Variants in MEX3A observed in about 807,000 individuals in gnomAD.
MEX3A encodes the protein mex-3 RNA binding family member A.
A neutral mutation model predicts 30.0 loss-of-function variants in MEX3A; 4 were observed. The ratio of observed to expected loss-of-function variants is 0.13; its 90% CI spans 0.07 to 0.30. The LOEUF is 0.30. Among genes scored for constraint, MEX3A ranks in the 10% least tolerant of loss-of-function variants. The pLI is 1.00. For missense variants in MEX3A, 555 were observed against 736.7 expected, an observed-to-expected ratio of 0.75 and a Z score of 2.86; for synonymous variants, 335 against 327.6, an observed-to-expected ratio of 1.02 and a Z score of -0.24.
chr1:156,079,418 G>A (rs1168265271), intron 1 of MEX3A, among the ~76,000 whole-genome samples: 3 of 152,042 alleles, frequency 2.0e-5, no homozygotes, highest in African/African-American at 4.8e-5. Context: ...GTTTCACCAC[G>A]TTGGCCAGGC....
At chr1:156,079,747 C>G (rs6691151) in intron 1 of MEX3A, among the ~76,000 whole-genome samples, 3 of 151,956 alleles carry the variant, frequency 2.0e-5, no homozygotes, top group Non-Finnish European at 4.4e-5. Context: ...GGGTTCTGGC[C>G]GTAAGTTTTG....
rs1558101096 is a variant in MEX3A, at chr1:156,077,174, C to CCAGGCGTCGGAGTAG, written c.948_962dup (p.Ala320_Trp321insCysTyrSerAspAla). On this transcript the variant is annotated inframe_insertion, in exon 2 of 2. Transcript: ENST00000532414. The surrounding 1 kb of genome is among the most constrained non-coding windows in gnomAD (Gnocchi z 8.3). ...GCTTGCAGCCGGGCTGGTGCACCCG[C>CCAGGCGTCGGAGTAG]CAGGCGTCGGAGTAGCGGCTATCGA... is the stretch of plus-strand genomic sequence containing the variant. 6.2e-7 allele frequency: 1 copy of CCAGGCGTCGGAGTAG among 1,613,506 alleles called. No individual in the cohort carries two copies. Among genetic ancestry groups the CCAGGCGTCGGAGTAG allele is most frequent in the East Asian group, 2.2e-5 (1 of 44,870 alleles).
At position 156,081,647 on chromosome 1, in the gene MEX3A, G is replaced by A. The variant is rs1292137826; in HGVS notation, c.352C>T (p.Leu118Phe). ...KGASDAKLCALYKEAELRLKG... is the reference protein window; with the variant it reads ...KGASDAKLCAFYKEAELRLKG... ...AGGCGCAGCTCGGCCTCTTTGTAGA[G>A]AGCGCAGAGCTTGGCGTCGCTCGCC... Residue 118 changes from leucine (L) to phenylalanine (F), a missense_variant, in exon 1 of 2, where the codon CTC becomes TTC. Physicochemically the swap from Leu to Phe is conservative, Grantham distance 22. Coordinates refer to ENST00000532414, the MANE Select transcript of MEX3A (RefSeq NM_001093725.2). 1 of 1,541,666 alleles carries A rather than the reference G, an allele frequency of 6.5e-7. No homozygotes were observed. Among genetic ancestry groups the A allele is most frequent in the Non-Finnish European group, 8.7e-7 (1 of 1,145,702 alleles).
At position 156,081,572 on chromosome 1, in the gene MEX3A, G is replaced by A; in HGVS notation, c.427C>T (p.His143Tyr). The change falls in exon 1 of 2, where the codon CAC becomes TAC. Residue 143 changes from histidine to tyrosine, a missense_variant. Transcript: ENST00000532414. ...TGCCTGCCCACGATCTCGGCCACGT[G>A]CTCGGAGGTGGGCACGGGAACACAC... ...TECVPVPTSE[H>Y]VAEIVGRQGC... 6.2e-7 allele frequency: 1 copy of A among 1,600,110 alleles called. No homozygotes were observed. The highest frequency in any genetic ancestry group is 1.7e-5 in the Admixed American group (1 of 58,796).
In MEX3A at chr1:156,077,100, C is replaced by A. The variant is rs1427111271; in HGVS notation, c.1037G>T (p.Gly346Val). 1.9e-6 allele frequency: 3 copies of A among 1,613,892 alleles called. No homozygotes were observed. In the South Asian group the frequency reaches 3.3e-5, roughly 18 times the overall value. Residue 346 changes from glycine (G) to valine (V), a missense_variant, in exon 2 of 2, where the codon GGA becomes GTA. By Grantham distance (109) the Gly-to-Val change is moderately radical. This residue lies in a region of MEX3A where 281 missense variants were observed against 265.1 expected (regional missense o/e 1.06). Coordinates refer to ENST00000532414, the MANE Select transcript of MEX3A (RefSeq NM_001093725.2). The surrounding 1 kb of genome is among the most constrained non-coding windows in gnomAD (Gnocchi z 8.3). ...QNSLGCIGECGVDSGFEAPRL... is the reference protein window; with the variant it reads ...QNSLGCIGECVVDSGFEAPRL... ...TGGGGCCTCAAAGCCAGAGTCCACTCCGCACTCGCCGATGCAGCCCAGGCT... is the reference window on the plus strand; with the variant it reads ...TGGGGCCTCAAAGCCAGAGTCCACTACGCACTCGCCGATGCAGCCCAGGCT...
intron 1 of MEX3A, among the ~76,000 whole-genome samples, chr1:156,081,320 T>C (rs1289580074): frequency 1.3e-5 from 2 of 152,188 alleles, no homozygotes; most frequent in South Asian, 2.1e-4. Context: ...GATATTTCTT[T>C]GTCTAAAGGC....
At position 156,076,958 on chromosome 1, in the gene MEX3A, C is replaced by G. The variant is rs766506688; in HGVS notation, c.1179G>C (p.Ala393=). The G allele has an allele frequency of 5.6e-6, 9 of 1,610,348 alleles. No homozygotes were observed. The South Asian group carries it at 6.6e-5, about 12-fold the overall frequency. The part of the protein sequence containing the change: ...GVAETSPPLW[A]GQENATPTSV... ...AGGTGGGCGTGGCGTTCTCCTGGCCCGCCCACAGCGGGGGGCTAGTCTCGG... is the reference window on the plus strand; with the variant it reads ...AGGTGGGCGTGGCGTTCTCCTGGCCGGCCCACAGCGGGGGGCTAGTCTCGG... The change falls in exon 2 of 2, where the codon GCG becomes GCC. Residue 393 remains alanine (A), a synonymous_variant. Coordinates refer to ENST00000532414, the MANE Select transcript of MEX3A (RefSeq NM_001093725.2). This position sits in a 1 kb window ranked among gnomAD's most constrained non-coding sequence, Gnocchi z 6.0.
In MEX3A at chr1:156,072,170, C is replaced by G. The variant is rs917885188; in HGVS notation, c.*4404G>C. On this transcript the variant is annotated 3_prime_UTR_variant, in exon 2 of 2. Transcript: ENST00000532414. ...CCCGCTTTTATTTTGCTTTTGAAAT[C>G]TTTTTCCTTGGTGGATTTGTACGTG... The G allele has an allele frequency of 6.5e-6, 1 of 152,674 alleles. No homozygotes were observed. Among genetic ancestry groups the G allele is most frequent in the African/African-American group, 2.4e-5 (1 of 41,400 alleles). The allele number at this position is 152,674 out of a possible 1,614,324, so 9.5% of individuals were successfully genotyped here. A position where few individuals can be genotyped will look rare whatever the true frequency, so the allele number is the denominator to read the frequency against.
At position 156,076,543 on chromosome 1, in the gene MEX3A, G is replaced by A. The variant is rs1228421170; in HGVS notation, c.*31C>T. 6.3e-7 allele frequency: 1 copy of A among 1,580,460 alleles called. No homozygotes were observed. The highest frequency in any genetic ancestry group is 1.7e-5 in the Admixed American group (1 of 57,780). ...AAACAGGTCCAGGGTGGGCCCAGTG[G>A]AGTGGGCCCCGGAGGCATGGGGCAC... On this transcript the variant is annotated 3_prime_UTR_variant, in exon 2 of 2. Coordinates refer to ENST00000532414, the MANE Select transcript of MEX3A (RefSeq NM_001093725.2). The surrounding 1 kb of genome is among the most constrained non-coding windows in gnomAD (Gnocchi z 6.0).
In MEX3A at chr1:156,076,909, A is replaced by AGGAGGC; in HGVS notation, c.1222_1227dup (p.Ala408_Ser409dup). The AGGAGGC allele has an allele frequency of 6.4e-6, 10 of 1,574,532 alleles. No individual in the cohort carries two copies. The highest frequency in any genetic ancestry group is 8.6e-6 in the Non-Finnish European group (10 of 1,160,368). ...GCCTTGGCGGAAGAGGAGGAGGAGG[A>AGGAGGC]GGAGGCAGAGGAGAAGAGCACGGAG... On this transcript the variant is annotated inframe_insertion, in exon 2 of 2. Coordinates refer to ENST00000532414, the MANE Select transcript of MEX3A (RefSeq NM_001093725.2). This position sits in a 1 kb window ranked among gnomAD's most constrained non-coding sequence, Gnocchi z 6.0.
rs1648107826 is a variant in MEX3A at position 156,077,346 on chromosome 1, C to T, written c.791G>A (p.Arg264His). The change falls in exon 2 of 2, where the codon CGC becomes CAC. Residue 264 changes from arginine (R) to histidine (H), a missense_variant. Arg to His is a conservative substitution (Grantham distance 29). This residue lies in a region of MEX3A where 33 missense variants were observed against 100.9 expected (regional missense o/e 0.33). Coordinates refer to ENST00000532414, the MANE Select transcript of MEX3A (RefSeq NM_001093725.2). This position sits in a 1 kb window ranked among gnomAD's most constrained non-coding sequence, Gnocchi z 8.3. ...NTYIITPSRD[R>H]DPVFEITGAP... ...ACCCGTGATCTCGAACACGGGGTCG[C>T]GGTCACGGCTTGGTGTGATAATGTA... is the stretch of plus-strand genomic sequence containing the variant. The T allele has an allele frequency of 6.2e-7, 1 of 1,613,814 alleles. No individual in the cohort carries two copies. Among genetic ancestry groups the T allele is most frequent in the Non-Finnish European group, 8.5e-7 (1 of 1,179,810 alleles).
chr1:156,078,694 C>T (rs1286796555), intron 1 of MEX3A, among the ~76,000 whole-genome samples: 2 of 152,194 alleles, frequency 1.3e-5, no homozygotes, highest in Non-Finnish European at 1.5e-5. Context: ...CCTCCTTACC[C>T]ACCTTCCTCT....
rs1262901182 is a variant in MEX3A at position 156,076,930 on chromosome 1, C to T, written c.1207G>A (p.Val403Met). The T allele has an allele frequency of 2.5e-6, 4 of 1,598,854 alleles. No homozygotes were observed. Among genetic ancestry groups the T allele is most frequent in the Non-Finnish European group, 8.5e-7 (1 of 1,172,850 alleles). ...AGQENATPTS[V>M]LFSSASSSSS... is the part of the protein sequence containing the mutation. ...GAGGAGGAGGCAGAGGAGAAGAGCA[C>T]GGAGGTGGGCGTGGCGTTCTCCTGG... The change falls in exon 2 of 2, where the codon GTG becomes ATG. Residue 403 changes from valine (V) to methionine (M), a missense_variant. By Grantham distance (21) the Val-to-Met change is conservative. This residue lies in a region of MEX3A where 281 missense variants were observed against 265.1 expected (regional missense o/e 1.06). Transcript: ENST00000532414. This position sits in a 1 kb window ranked among gnomAD's most constrained non-coding sequence, Gnocchi z 6.0.
At position 156,072,943 on chromosome 1, in the gene MEX3A, A is replaced by G. The variant is rs1647955423; in HGVS notation, c.*3631T>C. On this transcript the variant is annotated 3_prime_UTR_variant, in exon 2 of 2. Transcript: ENST00000532414. Reference sequence around the variant, plus strand: ...TCAGCTTTAAAGAACAATTACTGAGATTGTTACTGCTACTGCTGCCATGGA... The same window carrying G: ...TCAGCTTTAAAGAACAATTACTGAGGTTGTTACTGCTACTGCTGCCATGGA... The G allele has an allele frequency of 6.6e-6, 1 of 152,338 alleles. No individual in the cohort carries two copies. The highest frequency in any genetic ancestry group is 2.4e-5 in the African/African-American group (1 of 41,450). 9.4% of individuals were successfully genotyped at this position (152,338 alleles called of 1,614,324 possible).
At position 156,081,721 on chromosome 1, in the gene MEX3A, G is replaced by A; in HGVS notation, c.278C>T (p.Thr93Met). 1 of 1,043,244 alleles carries A rather than the reference G, an allele frequency of 9.6e-7. No homozygotes were observed. Among genetic ancestry groups the A allele is most frequent in the Non-Finnish European group, 1.2e-6 (1 of 849,826 alleles). 64.6% of individuals were successfully genotyped at this position (1,043,244 alleles called of 1,614,324 possible). The change falls in exon 1 of 2, where the codon ACG becomes ATG. Residue 93 changes from threonine to methionine, a missense_variant. Coordinates refer to ENST00000532414, the MANE Select transcript of MEX3A (RefSeq NM_001093725.2). ...PPPAAPPAAP[T>M]AAPAAQTPQP... ...GGGCGTCTGCGCTGCGGGGGCCGCC[G>A]TCGGGGCGGCCGGGGGCGCCGCGGG... is the stretch of plus-strand genomic sequence containing the variant.
In MEX3A at chr1:156,076,630, G is replaced by A. The variant is rs1341627334; in HGVS notation, c.1507C>T (p.Pro503Ser). The change falls in exon 2 of 2, where the codon CCA becomes TCA. Residue 503 changes from proline (P) to serine (S), a missense_variant. Pro to Ser is a moderately conservative substitution (Grantham distance 74). Around this residue, in one of 6 missense-constraint regions of MEX3A, gnomAD observed 15 missense variants for 59.4 expected, o/e 0.25. Transcript: ENST00000532414. This position sits in a 1 kb window ranked among gnomAD's most constrained non-coding sequence, Gnocchi z 6.0. ...CAVRICERTD[P>S]ECPVCHITAT... ...GTGATGTGGCAGACGGGACACTCTG[G>A]GTCCGTCCTCTCGCAGATGCGTACT... is the stretch of plus-strand genomic sequence containing the variant. The A allele has an allele frequency of 6.2e-7, 1 of 1,613,884 alleles. No individual in the cohort carries two copies. The highest frequency in any genetic ancestry group is 1.7e-5 in the Admixed American group (1 of 60,022).
chr1:156,073,224 G>A lies in MEX3A; in HGVS notation c.*3350C>T, dbSNP rs796868669. On this transcript the variant is annotated 3_prime_UTR_variant, in exon 2 of 2. Transcript: ENST00000532414. ...CCAGGAGGGGACATACCACATTGGA[G>A]TATGGGCTGCCCAGGTACTAGGGGT... 32 of 152,962 alleles carry A rather than the reference G, an allele frequency of 2.1e-4. No homozygotes were observed. The highest frequency in any genetic ancestry group is 7.2e-4 in the African/African-American group (30 of 41,580). The allele number at this position is 152,962 out of a possible 1,614,324, so 9.5% of individuals were successfully genotyped here.
chr1:156,074,317 T>C lies in MEX3A; in HGVS notation c.*2257A>G, dbSNP rs1463447548. 1 of 152,272 alleles carries C rather than the reference T, an allele frequency of 6.6e-6. No individual in the cohort carries two copies. Among genetic ancestry groups the C allele is most frequent in the Non-Finnish European group, 1.5e-5 (1 of 67,978 alleles). The allele number at this position is 152,272 out of a possible 1,614,324, so 9.4% of individuals were successfully genotyped here. A position where few individuals can be genotyped will look rare whatever the true frequency, so the allele number is the denominator to read the frequency against. ...ATAAATTACCTAATAAAAAGTCTTT[T>C]TTTTTCATATTAGCCCAGGTTCTTT... On this transcript the variant is annotated 3_prime_UTR_variant, in exon 2 of 2. Transcript: ENST00000532414.
At chr1:156,079,289 C>T (rs1206700952) in intron 1 of MEX3A, among the ~76,000 whole-genome samples, 1 of 152,078 alleles carries the variant, frequency 6.6e-6, no homozygotes, top group Non-Finnish European at 1.5e-5. Flanking sequence ...TCTCGGCTCA[C>T]TGCAACCTCT....
Sources: allele counts gnomAD v4.1 joint callset (sites outside exome capture counted in the v4.1 genomes callset), GRCh38; gene constraint gnomAD v4.1.1; regional missense constraint gnomAD v4.1.1; non-coding constraint Gnocchi (gnomAD v3.1); transcripts MANE v1.5; gene names NCBI Gene and HGNC (gene_info 2026-07-23, HGNC 2026-07-21).